The following RFC1 variants were observed in gnomAD, a reference collection of about 807,000 sequenced individuals.
The protein encoded by RFC1 is replication factor C subunit 1.
In RFC1, 37 loss-of-function variants were observed where a neutral mutation model predicts 137.4. The observed-to-expected ratio is 0.27, with a 90% CI of 0.21 to 0.35. The LOEUF (loss-of-function observed/expected upper bound fraction) is 0.35, where lower values mean the gene tolerates loss of function less well. Ranked by LOEUF, RFC1 falls within the 10% of genes least tolerant of loss-of-function variation. The probability of loss-of-function intolerance (pLI) is 1.00; values close to 1 mark genes in which losing one functional copy is unlikely to be tolerated. For missense variants in RFC1, 1,205 were observed against 1,358.5 expected, an observed-to-expected ratio of 0.89 and a Z score of 1.78; for synonymous variants, 429 against 455.7, an observed-to-expected ratio of 0.94 and a Z score of 0.75.
At chr4:39,291,146 A>T (rs1737654530) in intron 23 of RFC1, among the ~76,000 whole-genome samples, 1 of 152,184 alleles carries the variant, frequency 6.6e-6, no homozygotes, top group Non-Finnish European at 1.5e-5. Flanking sequence ...GTATCACTTT[A>T]GTTTTTTTCG....
intron 12 of RFC1, among the ~76,000 whole-genome samples, chr4:39,309,343 T>C (rs544448352): frequency 6.6e-6 from 1 of 152,334 alleles, no homozygotes; most frequent in South Asian, 2.1e-4. Flanking sequence ...TTTCAAAGTT[T>C]CCTAATTAAA....
chr4:39,292,791 G>A (rs184606304), intron 22 of RFC1, among the ~76,000 whole-genome samples: 82 of 151,362 alleles, frequency 5.4e-4, no homozygotes, highest in Admixed American at 4.5e-3. Context: ...ACAGGCACCC[G>A]CCACCACACC....
At chr4:39,351,075 C>T (rs1224479192) in intron 2 of RFC1, among the ~76,000 whole-genome samples, 2 of 151,664 alleles carry the variant, frequency 1.3e-5, no homozygotes, top group African/African-American at 4.8e-5. Flanking sequence ...ACGGTGAAAC[C>T]CCGTCTCTAC....
At chr4:39,334,156 TA>T (rs1161274762) in intron 4 of RFC1, among the ~76,000 whole-genome samples, 1 of 151,994 alleles carries the variant, frequency 6.6e-6, no homozygotes, top group Non-Finnish European at 1.5e-5. Context: ...AGAATAACAT[TA>T]AAAAAAGCAA....
intron 4 of RFC1, among the ~76,000 whole-genome samples, chr4:39,331,870 G>A (rs974021771): frequency 1.3e-5 from 2 of 151,984 alleles, no homozygotes; most frequent in Non-Finnish European, 2.9e-5. Context: ...CACACCTTTT[G>A]ATATGGCTTG....
chr4:39,322,468 T>C (rs1464440155), intron 7 of RFC1: 2 of 152,230 alleles, frequency 1.3e-5, no homozygotes, highest in African/African-American at 4.8e-5. Context: ...TGTCATAATA[T>C]AGATCTTAGA....
At chr4:39,299,840 G>A (rs775760454) in intron 21 of RFC1, among the ~76,000 whole-genome samples, 181 bp downstream of exon 21, 11 of 151,768 alleles carry the variant, frequency 7.2e-5, no homozygotes, top group East Asian at 1.9e-4. Flanking sequence ...TCTTGAACCC[G>A]GGAGGCAGAG....
At chr4:39,343,272 C>G (rs58273650) in intron 3 of RFC1, among the ~76,000 whole-genome samples, 3 of 152,212 alleles carry the variant, frequency 2.0e-5, no homozygotes, top group Non-Finnish European at 4.4e-5. Context: ...ATCCGCCCAC[C>G]TCAGCCTCCA....
At chr4:39,314,157 G>A (rs962682022) in intron 10 of RFC1, among the ~76,000 whole-genome samples, 12 of 152,134 alleles carry the variant, frequency 7.9e-5, no homozygotes, top group South Asian at 4.2e-4. Flanking sequence ...AATCTTTCTC[G>A]GAAGACAAAA....
Position 39,342,342 on chromosome 4 carries a change from T to C in RFC1, c.331+3A>G, listed in dbSNP as rs2109731142. On this transcript the variant is annotated splice_donor_region_variant and intron_variant, in intron 4 of 24. Coordinates refer to ENST00000349703, the MANE Select transcript of RFC1 (RefSeq NM_002913.5). ...CATCTCATATACCACAATGCAACCTTACCTGTTTCTGAAATGTATGTAACA... is the reference window on the plus strand; with the variant it reads ...CATCTCATATACCACAATGCAACCTCACCTGTTTCTGAAATGTATGTAACA... 1 of 1,611,228 alleles carries C rather than the reference T, an allele frequency of 6.2e-7. No individual in the cohort carries two copies. Among genetic ancestry groups the C allele is most frequent in the Non-Finnish European group, 8.5e-7 (1 of 1,178,194 alleles).
Position 39,303,047 on chromosome 4 carries a change from G to A in RFC1, c.2202+13C>T. 1 of 1,588,684 alleles carries A rather than the reference G, an allele frequency of 6.3e-7. No homozygotes were observed. Among genetic ancestry groups the A allele is most frequent in the Non-Finnish European group, 8.6e-7 (1 of 1,156,924 alleles). The stretch of plus-strand genomic sequence containing the variant: ...TCAACAGTGAAACTGCAAAAATACA[G>A]CACTTGAATTACCTGAATTCCTCCC... On this transcript the variant is annotated intron_variant, in intron 16 of 24. Transcript: ENST00000349703.
Position 39,295,605 on chromosome 4 carries a change from C to A in RFC1, c.2954+9G>T. On this transcript the variant is annotated intron_variant, in intron 22 of 24. Transcript: ENST00000349703. ...GATAAAATACCCGAAACAGAGTAAT[C>A]CCACCTACCTGAGACTCATATGCAA... The A allele has an allele frequency of 1.3e-6, 2 of 1,586,854 alleles. No individual in the cohort carries two copies. Among genetic ancestry groups the A allele is most frequent in the African/African-American group, 1.3e-5 (1 of 74,198 alleles).
intron 11 of RFC1, among the ~76,000 whole-genome samples, chr4:39,312,411 T>C (rs62310765): frequency 0.014 from 2,106 of 152,186 alleles, 17 homozygotes; most frequent in Middle Eastern, 0.034. Context: ...AAAACACCAA[T>C]TTAAAAAAAC....
Position 39,287,537 on chromosome 4 carries a change from ATGTCTCAAGAACTT to A in RFC1, c.*1210_*1223del, listed in dbSNP as rs1737436645. ...TTTCACACTGGTAAATACAGTTTAA[ATGTCTCAAGAACTT>A]TGTCTCATCACCCAAACAAGACTAC... is the stretch of plus-strand genomic sequence containing the variant. On this transcript the variant is annotated 3_prime_UTR_variant, in exon 25 of 25. Coordinates refer to ENST00000349703, the MANE Select transcript of RFC1 (RefSeq NM_002913.5). 6.6e-6 allele frequency: 1 copy of A among 152,216 alleles called. No homozygotes were observed. The highest frequency in any genetic ancestry group is 6.5e-5 in the Admixed American group (1 of 15,284). The allele number at this position is 152,216 out of a possible 1,614,324, so 9.4% of individuals were successfully genotyped here.
rs1328381611 is a variant in RFC1 at position 39,345,403 on chromosome 4, G to A, written c.206C>T (p.Ser69Leu). Reference sequence around the variant, plus strand: ...AGCTCCTCAGAAGAAATTATTACCTGAATCATAGATGATCCTCTTTTTCTT... The same window carrying A: ...AGCTCCTCAGAAGAAATTATTACCTAAATCATAGATGATCCTCTTTTTCTT... ...PSKKKRIIYD[S>L]DSESEETLQV... is the part of the protein sequence containing the mutation. The change falls in exon 3 of 25, where the codon TCA (serine) becomes TTA (leucine). Residue 69 changes from serine (S) to leucine (L), a missense_variant and splice_region_variant. Physicochemically the swap from Ser to Leu is moderately radical, Grantham distance 145. Transcript: ENST00000349703. The A allele has an allele frequency of 6.2e-7, 1 of 1,612,960 alleles. No individual in the cohort carries two copies. The highest frequency in any genetic ancestry group is 1.3e-5 in the African/African-American group (1 of 74,888).
At chr4:39,349,998 C>T (rs567831510) in intron 2 of RFC1, among the ~76,000 whole-genome samples, 4 of 152,102 alleles carry the variant, frequency 2.6e-5, no homozygotes, top group Admixed American at 2.6e-4. Context: ...GAGCAAAACT[C>T]CATCTCAAAA....
chr4:39,344,078 C>T (rs1740734080), intron 3 of RFC1, among the ~76,000 whole-genome samples: 3 of 150,930 alleles, frequency 2.0e-5, no homozygotes, highest in East Asian at 2.0e-4. Context: ...CATGCCATTG[C>T]ACTCCAGCCT....
chr4:39,338,112 C>A (rs983939208), intron 4 of RFC1, among the ~76,000 whole-genome samples: 11 of 152,132 alleles, frequency 7.2e-5, no homozygotes, highest in African/African-American at 2.7e-4. Context: ...TGGGTTTTTA[C>A]CAACCTTGAA....
intron 7 of RFC1, among the ~76,000 whole-genome samples, chr4:39,322,723 G>T (rs1330823336): frequency 6.6e-6 from 1 of 151,646 alleles, no homozygotes; most frequent in African/African-American, 2.4e-5. Context: ...AGGCTTCAGT[G>T]TGCTATGAAC....
Sources: gnomAD v4.1 joint callset for allele counts (sites outside exome capture counted in the v4.1 genomes callset) on GRCh38, gnomAD v4.1.1 for gene constraint, MANE v1.5 for transcripts, NCBI Gene and HGNC (gene_info 2026-07-23, HGNC 2026-07-21) for gene names.